CORO7: variants seen among roughly 807,000 people sequenced by gnomAD.
CORO7 encodes coronin 7, also known as coronin-7.
Under a neutral mutation model 126.6 loss-of-function variants are expected in CORO7, and 107 were observed. That is an observed-to-expected ratio of 0.85 (90% CI 0.72 to 0.99). CORO7 has a LOEUF of 0.99. CORO7 is among the 50% of genes least tolerant of loss of function. CORO7 has a pLI of 0.00. For missense variants in CORO7, 1,314 were observed against 1,255.8 expected (o/e 1.05, Z -0.70); for synonymous variants, 603 against 536.8 (o/e 1.12, Z -1.70).
At chr16:4,395,674 A>G (rs1443563215) in intron 6 of CORO7, among the ~76,000 whole-genome samples, 2 of 152,180 alleles carry the variant, frequency 1.3e-5, no homozygotes, top group Non-Finnish European at 2.9e-5. Context: ...AAGTGGTACT[A>G]TCACCATGAT....
intron 7 of CORO7, among the ~76,000 whole-genome samples, chr16:4,389,407 G>A (rs1307731716): frequency 2.6e-5 from 4 of 152,094 alleles, no homozygotes; most frequent in Non-Finnish European, 4.4e-5. Flanking sequence ...AGCCTGAGAC[G>A]AAGGACCCTG....
chr16:4,413,773 A>G (rs2056303562), intron 1 of CORO7, among the ~76,000 whole-genome samples: 2 of 151,578 alleles, frequency 1.3e-5, no homozygotes, highest in Non-Finnish European at 2.9e-5. Context: ...CCTGGCCTCA[A>G]GTGATCTGCC....
intron 9 of CORO7, among the ~76,000 whole-genome samples, chr16:4,373,032 T>TG (rs1358241751): frequency 6.6e-6 from 1 of 151,898 alleles, no homozygotes. Context: ...CATAGAGGGG[T>TG]GGCCGGGCTG....
intron 9 of CORO7, among the ~76,000 whole-genome samples, chr16:4,368,024 A>G (rs77839188): frequency 6.6e-6 from 1 of 152,012 alleles, no homozygotes; most frequent in African/African-American, 2.4e-5. Flanking sequence ...GGGCAACATC[A>G]TGAGACCATG....
In CORO7 at chr16:4,365,918, G is replaced by A. The variant is rs79634004; in HGVS notation, c.786-373C>T. 2.8e-3 allele frequency among the ~76,000 whole-genome samples: 430 copies of A among 152,322 alleles called. 14 individuals are homozygous for A. The East Asian group carries it at 0.075, about 26-fold the overall frequency. ...CAGGCCAGCATTGCCAGGGAAGGTGGAGAGGTGAGGCCGGAGGCGAGGAGC... is the reference window on the plus strand; with the variant it reads ...CAGGCCAGCATTGCCAGGGAAGGTGAAGAGGTGAGGCCGGAGGCGAGGAGC... On this transcript the variant is annotated intron_variant, in intron 9 of 27. Transcript: ENST00000251166.
chr16:4,388,049 T>G lies in CORO7; in HGVS notation c.722A>C (p.Lys241Thr). The G allele has an allele frequency of 6.2e-7, 1 of 1,612,958 alleles. No homozygotes were observed. The highest frequency in any genetic ancestry group is 8.5e-7 in the Non-Finnish European group (1 of 1,179,844). ...GFNQMREREVKLWDTRFFSSA... is the reference protein window; with the variant it reads ...GFNQMREREVTLWDTRFFSSA... ...GGAGAAGAACCGCGTGTCCCACAGC[T>G]TCACTTCGCGCTCACGCATCTGCAG... Residue 241 changes from lysine (K) to threonine (T), a missense_variant, in exon 9 of 28, where the codon AAG becomes ACG. Physicochemically the swap from Lys to Thr is moderately conservative, Grantham distance 78 (BLOSUM62 -1). Coordinates refer to ENST00000251166, the MANE Select transcript of CORO7 (RefSeq NM_024535.5).
intron 7 of CORO7, among the ~76,000 whole-genome samples, chr16:4,393,915 A>G (rs2055485692): frequency 6.6e-6 from 1 of 152,242 alleles, no homozygotes; most frequent in African/African-American, 2.4e-5. Flanking sequence ...CCTGACCAAC[A>G]TGGTGAAACC....
rs566858497 is a variant in CORO7 at position 4,358,044 on chromosome 16, G to A, written c.2517C>T (p.Leu839=). Residue 839 remains leucine, a synonymous_variant, in exon 25 of 28, where the codon CTC becomes CTT. Coordinates refer to ENST00000251166, the MANE Select transcript of CORO7 (RefSeq NM_024535.5). ...CGCCTTGCAGCCAGGCCTCGGCACT[G>A]AGCACAGGCTCCCAGATCACAGCCG... ...PDTAVIWEPV[L]SAEAWLQGAN... 8.7e-6 allele frequency: 14 copies of A among 1,613,416 alleles called. No homozygotes were observed. The African/African-American group carries it at 1.5e-4, about 17-fold the overall frequency.
rs1456636913 is a variant in CORO7, at chr16:4,362,816, G to T, written c.1276-78C>A. 1.4e-5 allele frequency: 18 copies of T among 1,269,762 alleles called. No homozygotes were observed. The highest frequency in any genetic ancestry group is 1.8e-5 in the Non-Finnish European group (18 of 1,005,970). 78.7% of individuals were successfully genotyped at this position (1,269,762 alleles called of 1,614,324 possible). ...GGAGGGGGTGCCAGCGGACTCCAGG[G>T]TCACCACTCTGGGCCCCCTGCGGAC... is the stretch of plus-strand genomic sequence containing the variant. On this transcript the variant is annotated intron_variant, in intron 14 of 27. Transcript: ENST00000251166. The surrounding 1 kb of genome is among the most constrained non-coding windows in gnomAD (Gnocchi z 5.3).
At chr16:4,394,652 C>G (rs867975741) in intron 7 of CORO7, among the ~76,000 whole-genome samples, 1 of 152,196 alleles carries the variant, frequency 6.6e-6, no homozygotes, top group Non-Finnish European at 1.5e-5. Flanking sequence ...GCAAGAGAAG[C>G]CCCCAGCAAC....
intron 7 of CORO7, among the ~76,000 whole-genome samples, chr16:4,389,571 T>C (rs752914924): frequency 1.3e-5 from 2 of 152,046 alleles, no homozygotes; most frequent in Non-Finnish European, 2.9e-5. Context: ...TGGGAGACCA[T>C]CGGAAACGGC....
intron 7 of CORO7, among the ~76,000 whole-genome samples, chr16:4,389,698 G>A (rs757821950): frequency 6.6e-6 from 1 of 152,208 alleles, no homozygotes; most frequent in Non-Finnish European, 1.5e-5. Flanking sequence ...CTCTCTCCAC[G>A]TAAGAGGGGA....
chr16:4,355,049 G>A lies in CORO7; in HGVS notation c.*109C>T, dbSNP rs541216494. ...TGCCCACGGGAAGGCAGGAGTGCAG[G>A]GGTGACATGTGCCGGGGCCAGAGAG... On this transcript the variant is annotated 3_prime_UTR_variant, in exon 28 of 28. Coordinates refer to ENST00000251166, the MANE Select transcript of CORO7 (RefSeq NM_024535.5). The A allele has an allele frequency of 3.9e-6, 5 of 1,266,594 alleles. No homozygotes were observed. The highest frequency in any genetic ancestry group is 5.2e-5 in the East Asian group (2 of 38,224). 78.5% of individuals were successfully genotyped at this position (1,266,594 alleles called of 1,614,324 possible).
intron 6 of CORO7, among the ~76,000 whole-genome samples, chr16:4,401,003 A>G (rs765471836): frequency 9.2e-5 from 14 of 152,098 alleles, no homozygotes; most frequent in Non-Finnish European, 1.9e-4. Context: ...AAACAACCCA[A>G]AAAGAAATGC....
At chr16:4,408,038 T>C in intron 4 of CORO7, 143 bp downstream of exon 4, 1 of 1,303,818 alleles carries the variant, frequency 7.7e-7, no homozygotes, top group Non-Finnish European at 1.1e-6. Flanking sequence ...GGACCAGGAA[T>C]TCAGACCAGC....
rs1567302991 is a variant in CORO7, at chr16:4,407,648, G to C, written c.340C>G (p.Leu114Val). The change falls in exon 5 of 28, where the codon CTG (leucine) becomes GTG (valine). Residue 114 changes from leucine to valine, a missense_variant. By Grantham distance (32) the Leu-to-Val change is conservative. Transcript: ENST00000251166. ...LWRLPGPGQA[L>V]PSAPGVVLGP... Reference sequence around the variant, plus strand: ...AGCACCACCCCGGGTGCTGAGGGCAGGGCCTGGCCAGGCCCTGGCAGTCGC... The same window carrying C: ...AGCACCACCCCGGGTGCTGAGGGCACGGCCTGGCCAGGCCCTGGCAGTCGC... 1.9e-6 allele frequency: 3 copies of C among 1,607,386 alleles called. No individual in the cohort carries two copies. Among genetic ancestry groups the C allele is most frequent in the Middle Eastern group, 1.7e-4 (1 of 6,042 alleles).
intron 9 of CORO7, chr16:4,381,539 T>C: frequency 1.9e-6 from 3 of 1,604,778 alleles, no homozygotes; most frequent in Non-Finnish European, 2.5e-6. Flanking sequence ...CTCCACGACC[T>C]GGATGTGTCC....
At position 4,407,500 on chromosome 16, in the gene CORO7, C is replaced by T. The variant is rs1314179321; in HGVS notation, c.487+1G>A. The T allele has an allele frequency of 6.4e-7, 1 of 1,565,202 alleles. No homozygotes were observed. Among genetic ancestry groups the T allele is most frequent in the Non-Finnish European group, 8.7e-7 (1 of 1,154,920 alleles). On this transcript the variant is annotated splice_donor_variant, in intron 5 of 27. Transcript: ENST00000251166. LOFTEE classifies it high-confidence loss of function. Reference sequence around the variant, plus strand: ...GAAGGGCAGGCCAGGGTGGCCTGTACCTGTCAGGGGCTGCTGCTTGGCTGC... The same window carrying T: ...GAAGGGCAGGCCAGGGTGGCCTGTATCTGTCAGGGGCTGCTGCTTGGCTGC...
At chr16:4,412,261 C>G in intron 3 of CORO7, 95 bp downstream of exon 3, 2 of 1,383,980 alleles carry the variant, frequency 1.4e-6, no homozygotes, top group Non-Finnish European at 2.0e-6. Context: ...ACCTGGCAAG[C>G]CATGCGGCAG....
Sources: gnomAD v4.1 joint callset for allele counts (sites outside exome capture counted in the v4.1 genomes callset) on GRCh38, gnomAD v4.1.1 for gene constraint, Gnocchi (gnomAD v3.1) non-coding constraint, MANE v1.5 for transcripts, NCBI Gene and HGNC (gene_info 2026-07-23, HGNC 2026-07-21) for gene names.